NBPF11: variants seen among roughly 807,000 people sequenced by gnomAD.
NBPF11 encodes the protein NBPF family member NBPF11.
NBPF11 carries 72 observed loss-of-function variants against 93.9 expected under a neutral mutation model. The observed-to-expected ratio is 0.77, with a 90% CI of 0.63 to 0.93. The LOEUF is 0.93. Among genes scored for constraint, NBPF11 ranks in the 40% least tolerant of loss-of-function variants. NBPF11 has a pLI of 0.00. For missense variants in NBPF11, 705 were observed against 802.2 expected (o/e 0.88, Z 1.46); for synonymous variants, 224 against 304.9 (o/e 0.73, Z 2.76).
At chr1:148,140,009 C>T (rs1361314562) in intron 2 of NBPF11, among the ~76,000 whole-genome samples, 1 of 151,448 alleles carries the variant, frequency 6.6e-6, no homozygotes, top group African/African-American at 2.4e-5. Context: ...TGAGGTTTGG[C>T]ACTACCAACT....
chr1:148,143,030 G>A (rs1196321330), intron 2 of NBPF11, among the ~76,000 whole-genome samples: 5 of 151,964 alleles, frequency 3.3e-5, no homozygotes, highest in Non-Finnish European at 5.9e-5. Context: ...GGGAGGGGGT[G>A]AGCCATGAAA....
intron 1 of NBPF11, among the ~76,000 whole-genome samples, chr1:148,144,444 A>G (rs1553276540): frequency 6.6e-6 from 1 of 151,726 alleles, no homozygotes; most frequent in Non-Finnish European, 1.5e-5. Context: ...ATGTTCATTC[A>G]TTCATTCATT....
intron 2 of NBPF11, among the ~76,000 whole-genome samples, 198 bp downstream of exon 2, chr1:148,143,217 C>T (rs1385710255): frequency 6.6e-6 from 1 of 152,014 alleles, no homozygotes; most frequent in Non-Finnish European, 1.5e-5. Flanking sequence ...TTCACCCGAC[C>T]ATGGCACTGC....
intron 12 of NBPF11, 54 bp from the exon 13 acceptor site, chr1:148,116,589 A>C (rs1465941890): frequency 3.1e-6 from 2 of 639,936 alleles, no homozygotes; most frequent in African/African-American, 3.7e-5. Flanking sequence ...GTCTGCAAGC[A>C]CAGTCAGCCC....
chr1:148,119,568 T>C (rs1262300113), intron 10 of NBPF11, among the ~76,000 whole-genome samples: 2 of 151,830 alleles, frequency 1.3e-5, no homozygotes, highest in African/African-American at 2.4e-5. Flanking sequence ...GTGCGATCTT[T>C]CTTCCTCTTT....
Position 148,103,261 on chromosome 1 carries a change from A to C in NBPF11, c.*635T>G. 7.3e-6 allele frequency: 2 copies of C among 275,282 alleles called. No individual in the cohort carries two copies. Among genetic ancestry groups the C allele is most frequent in the South Asian group, 8.3e-5 (2 of 24,060 alleles). 17.1% of individuals were successfully genotyped at this position (275,282 alleles called of 1,614,324 possible). On this transcript the variant is annotated 3_prime_UTR_variant, in exon 24 of 24. Coordinates refer to ENST00000682118, the MANE Select transcript of NBPF11 (RefSeq NM_001385469.3). Reference sequence around the variant, plus strand: ...AAACAAGCCAACACTGAAGACACAAAGAATGAGGTTAGGTTCATTGAAACC... The same window carrying C: ...AAACAAGCCAACACTGAAGACACAACGAATGAGGTTAGGTTCATTGAAACC...
At chr1:148,123,440 C>T (rs1454438171) in intron 7 of NBPF11, among the ~76,000 whole-genome samples, 196 of 128,826 alleles carry the variant, frequency 1.5e-3, no homozygotes, top group East Asian at 0.011. Flanking sequence ...TCTGCCTTTG[C>T]AGATGGAGAG....
chr1:148,137,295 G>A (rs1367864345), intron 3 of NBPF11, among the ~76,000 whole-genome samples: 4 of 151,492 alleles, frequency 2.6e-5, no homozygotes, highest in African/African-American at 7.3e-5. Flanking sequence ...GAAACAGACA[G>A]GTAAGGAGGA....
At position 148,103,586 on chromosome 1, in the gene NBPF11, T is replaced by G. The variant is rs1662788760; in HGVS notation, c.*310A>C. On this transcript the variant is annotated 3_prime_UTR_variant, in exon 24 of 24. Transcript: ENST00000682118. ...CCCATCCTATGTCTGGGCTTCCAAATGGAACTATAGTTTCATTCAAATCTT... is the reference window on the plus strand; with the variant it reads ...CCCATCCTATGTCTGGGCTTCCAAAGGGAACTATAGTTTCATTCAAATCTT... The G allele has an allele frequency of 1.3e-5, 21 of 1,607,498 alleles. No homozygotes were observed. In the South Asian group the frequency reaches 2.2e-4, roughly 17 times the overall value.
At chr1:148,109,416 C>T (rs1346301750) in intron 16 of NBPF11, 81 bp from the exon 17 acceptor site, 65 of 916,296 alleles carry the variant, frequency 7.1e-5, no homozygotes, top group Non-Finnish European at 1.1e-4. Flanking sequence ...CCAATCCTAA[C>T]ACAGGGACAT....
chr1:148,118,711 A>C lies in NBPF11; in HGVS notation c.1000T>G (p.Cys334Gly), dbSNP rs1667152890. 1 of 1,612,176 alleles carries C rather than the reference A, an allele frequency of 6.2e-7. No homozygotes were observed. The highest frequency in any genetic ancestry group is 8.5e-7 in the Non-Finnish European group (1 of 1,179,682). ...AGCATAGATTTTATGAGGTCTTTGC[A>C]CTCTTCATATTCTGAGAAAAGACAG... is the stretch of plus-strand genomic sequence containing the variant. ...KQQNKYKYEE[C>G]KDLIKSMLRN... The change falls in exon 11 of 24, where the codon TGC (cysteine) becomes GGC (glycine). Residue 334 changes from cysteine to glycine, a missense_variant. Coordinates refer to ENST00000682118, the MANE Select transcript of NBPF11 (RefSeq NM_001385469.3).
Position 148,119,700 on chromosome 1 carries a change from G to C in NBPF11, c.988+801C>G, listed in dbSNP as rs1196182087. 6.6e-4 allele frequency among the ~76,000 whole-genome samples: 100 copies of C among 151,960 alleles called. 1 individual carries two copies. The highest frequency in any genetic ancestry group is 2.3e-3 in the African/African-American group (96 of 41,272). On this transcript the variant is annotated intron_variant, in intron 10 of 23. Transcript: ENST00000682118. ...TTTAACAGTCTTGCCCTGTCACCCA[G>C]GCTGGAGTGCAACGGCAAAATCTTG...
chr1:148,146,574 G>A (rs1478227733), intron 1 of NBPF11: 25 of 1,606,974 alleles, frequency 1.6e-5, no homozygotes, highest in South Asian at 6.6e-5. Flanking sequence ...GAGCCTCCTC[G>A]GGCGCACCCG....
chr1:148,145,608 C>A (rs1191345306), intron 1 of NBPF11, among the ~76,000 whole-genome samples: 3 of 151,628 alleles, frequency 2.0e-5, no homozygotes, highest in South Asian at 4.2e-4. Context: ...TGGCCGGGTG[C>A]GGTAGCTCAT....
intron 10 of NBPF11, among the ~76,000 whole-genome samples, chr1:148,120,291 C>T (rs1477515793): frequency 4.0e-5 from 6 of 151,350 alleles, no homozygotes; most frequent in South Asian, 2.1e-4. Context: ...AACTCTAGTC[C>T]CACCCCCACC....
chr1:148,147,905 C>T (rs1375186020), intron 1 of NBPF11, among the ~76,000 whole-genome samples: 10 of 152,182 alleles, frequency 6.6e-5, no homozygotes, highest in Admixed American at 3.3e-4. Flanking sequence ...TCTGTCTGCT[C>T]GGCCATCTGT....
rs1571455257 is a variant in NBPF11, at chr1:148,124,775, G to T, written c.278+124C>A. 11 of 848,814 alleles carry T rather than the reference G, an allele frequency of 1.3e-5. No individual in the cohort carries two copies. In the South Asian group the frequency reaches 1.5e-4, roughly 11 times the overall value. 52.6% of individuals were successfully genotyped at this position (848,814 alleles called of 1,614,324 possible). On this transcript the variant is annotated intron_variant, in intron 6 of 23. Coordinates refer to ENST00000682118, the MANE Select transcript of NBPF11 (RefSeq NM_001385469.3). The stretch of plus-strand genomic sequence containing the variant: ...TCTGATAAATATTTGTGTGTCATGA[G>T]CCTGCCATGGCAATTTCTGCCCTTC...
At chr1:148,149,254 G>A (rs1353148313) in intron 1 of NBPF11, 3 of 1,595,196 alleles carry the variant, frequency 1.9e-6, no homozygotes, top group African/African-American at 2.7e-5. Context: ...AGTGTGCCGC[G>A]GTGGTGCTGC....
chr1:148,145,698 G>A (rs1317698901), intron 1 of NBPF11, among the ~76,000 whole-genome samples: 10 of 151,452 alleles, frequency 6.6e-5, no homozygotes, highest in Non-Finnish European at 1.3e-4. Context: ...ATGCAACATG[G>A]CAAAACCCCA....
Sources: gnomAD v4.1 joint callset for allele counts (sites outside exome capture counted in the v4.1 genomes callset) on GRCh38, gnomAD v4.1.1 for gene constraint, MANE v1.5 for transcripts, NCBI Gene and HGNC (gene_info 2026-07-23, HGNC 2026-07-21) for gene names.